Variants in BEND4 observed in about 807,000 individuals in gnomAD.
The protein encoded by BEND4 is BEN domain containing 4, also known as BEN domain-containing protein 4.
In BEND4, 27 loss-of-function variants were observed where a neutral mutation model predicts 54.7. That is an observed-to-expected ratio of 0.49 (90% CI 0.36 to 0.68). The LOEUF (loss-of-function observed/expected upper bound fraction) is 0.68. Among genes scored for constraint, BEND4 ranks in the 30% least tolerant of loss-of-function variants. The probability of loss-of-function intolerance (pLI) is 0.00; values close to 1 mark genes in which losing one functional copy is unlikely to be tolerated. For missense variants in BEND4, 702 were observed against 697.2 expected, an observed-to-expected ratio of 1.01 and a Z score of -0.08; for synonymous variants, 327 against 299.5, an observed-to-expected ratio of 1.09 and a Z score of -0.95.
intron 3 of BEND4, among the ~76,000 whole-genome samples, chr4:42,141,440 AG>A (rs1223768840): frequency 2.6e-5 from 4 of 152,224 alleles, no homozygotes; most frequent in Non-Finnish European, 1.5e-5. Flanking sequence ...CAAAGAATAT[AG>A]CTTATATTGG....
At chr4:42,129,202 GA>G (rs1259011933) in intron 3 of BEND4, among the ~76,000 whole-genome samples, 1 of 152,076 alleles carries the variant, frequency 6.6e-6, no homozygotes, top group South Asian at 2.1e-4. Flanking sequence ...AAATACCGAG[GA>G]AAACAACTAA....
At chr4:42,125,463 C>G (rs894263929) in intron 4 of BEND4, 120 bp downstream of exon 4, 8 of 723,944 alleles carry the variant, frequency 1.1e-5, no homozygotes, top group Non-Finnish European at 2.0e-5. Flanking sequence ...GGCAACAGAC[C>G]CATAAACCTC....
Position 42,117,457 on chromosome 4 carries a change from A to ATTC in BEND4, c.*60_*61insGAA. On this transcript the variant is annotated 3_prime_UTR_variant, in exon 6 of 6. Coordinates refer to ENST00000502486, the MANE Select transcript of BEND4 (RefSeq NM_207406.4). ...CTTTGGACTCTCAGGTGACAGGAACAGGACATTCACAATTGGAACTCTTGA... is the reference window on the plus strand; with the variant it reads ...CTTTGGACTCTCAGGTGACAGGAACATTCGGACATTCACAATTGGAACTCTTGA... 1 of 1,197,462 alleles carries ATTC rather than the reference A, an allele frequency of 8.4e-7. No homozygotes were observed. Among genetic ancestry groups the ATTC allele is most frequent in the Admixed American group, 2.0e-5 (1 of 48,956 alleles). 74.2% of individuals were successfully genotyped at this position (1,197,462 alleles called of 1,614,324 possible).
In BEND4 at chr4:42,124,552, G is replaced by T. The variant is rs563355420; in HGVS notation, c.1146+1031C>A. ...AGAGAGAGCACGGAGGAGGAGAGGTGAGGGCCTGGGGTGACCAGAGTGGAA... is the reference window on the plus strand; with the variant it reads ...AGAGAGAGCACGGAGGAGGAGAGGTTAGGGCCTGGGGTGACCAGAGTGGAA... On this transcript the variant is annotated intron_variant, in intron 4 of 5. Transcript: ENST00000502486. Among the ~76,000 whole-genome samples the T allele has an allele frequency of 2.3e-4, 35 of 152,232 alleles. No individual in the cohort carries two copies. In the South Asian group the frequency reaches 6.9e-3, roughly 30 times the overall value.
chr4:42,128,406 G>A (rs1342703655), intron 3 of BEND4, among the ~76,000 whole-genome samples: 6 of 152,078 alleles, frequency 3.9e-5, no homozygotes, highest in South Asian at 2.1e-4. Context: ...GGCCGATCAC[G>A]AGGTCAGGAG....
In BEND4 at chr4:42,143,600, AGTCCAGCCACCTAATGT is replaced by A. The variant is rs1468517100; in HGVS notation, c.865_881del (p.Thr289PhefsTer47). Reference sequence around the variant, plus strand: ...CATGGGATTCGGACGTTGCTGGGGAAGTCCAGCCACCTAATGTATGCACAGGAGAGGTTGACAGAGGA... The same window carrying A: ...CATGGGATTCGGACGTTGCTGGGGAAATGCACAGGAGAGGTTGACAGAGGA... On this transcript the variant is annotated frameshift_variant, in exon 3 of 6. Coordinates refer to ENST00000502486, the MANE Select transcript of BEND4 (RefSeq NM_207406.4). LOFTEE classifies it high-confidence loss of function. 6.3e-7 allele frequency: 1 copy of A among 1,599,380 alleles called. No homozygotes were observed. Among genetic ancestry groups the A allele is most frequent in the East Asian group, 2.2e-5 (1 of 44,516 alleles).
In BEND4 at chr4:42,113,803, A is replaced by T. The variant is rs965439517; in HGVS notation, c.*3715T>A. On this transcript the variant is annotated 3_prime_UTR_variant, in exon 6 of 6. Coordinates refer to ENST00000502486, the MANE Select transcript of BEND4 (RefSeq NM_207406.4). ...ATACCCGATCACCCACTAACTCTACAGCCGTGAAGTAGCTACAAATATGTC... is the reference window on the plus strand; with the variant it reads ...ATACCCGATCACCCACTAACTCTACTGCCGTGAAGTAGCTACAAATATGTC... 1 of 152,242 alleles carries T rather than the reference A, an allele frequency of 6.6e-6. No homozygotes were observed. The highest frequency in any genetic ancestry group is 2.4e-5 in the African/African-American group (1 of 41,460). The allele number at this position is 152,242 out of a possible 1,614,324, so 9.4% of individuals were successfully genotyped here. A position where few individuals can be genotyped will look rare whatever the true frequency, so the allele number is the denominator to read the frequency against.
intron 3 of BEND4, among the ~76,000 whole-genome samples, chr4:42,126,150 A>C (rs1310036355): frequency 2.0e-5 from 3 of 152,244 alleles, no homozygotes; most frequent in Non-Finnish European, 4.4e-5. Context: ...AATACAGAAC[A>C]GATGCTATAG....
At chr4:42,117,813 G>C in intron 5 of BEND4, 78 bp from the exon 6 acceptor site, 2 of 948,012 alleles carry the variant, frequency 2.1e-6, no homozygotes, top group Non-Finnish European at 3.2e-6. Flanking sequence ...AGGGCAGGCT[G>C]CTTAAACTTT....
intron 3 of BEND4, among the ~76,000 whole-genome samples, chr4:42,133,690 C>T (rs536561107): frequency 6.6e-6 from 1 of 152,082 alleles, no homozygotes; most frequent in Non-Finnish European, 1.5e-5. Flanking sequence ...CCCGTCTCTA[C>T]TAAAAATACA....
intron 4 of BEND4, among the ~76,000 whole-genome samples, chr4:42,121,098 T>C (rs1720041958): frequency 6.6e-6 from 1 of 152,198 alleles, no homozygotes; most frequent in Admixed American, 6.5e-5. Flanking sequence ...ACAAATTAAT[T>C]AACCCATGAT....
In BEND4 at chr4:42,143,861, A is replaced by C; in HGVS notation, c.621T>G (p.Ser207Arg). 6.4e-7 allele frequency: 1 copy of C among 1,553,974 alleles called. No individual in the cohort carries two copies. The highest frequency in any genetic ancestry group is 1.3e-5 in the South Asian group (1 of 78,782). Residue 207 changes from serine to arginine, a missense_variant, in exon 3 of 6, where the codon AGT becomes AGG. Transcript: ENST00000502486. ...GACAGTGCTCCTGTCTTTCGTTGTA[A>C]CTTGAGCCTTCCTGCTTTACGCAAG... The part of the protein sequence containing the change: ...MISCVKQEGS[S>R]YNERQEHCHI...
intron 3 of BEND4, among the ~76,000 whole-genome samples, chr4:42,140,524 C>CA (rs1026802787): frequency 6.6e-6 from 1 of 152,172 alleles, no homozygotes; most frequent in African/African-American, 2.4e-5. Context: ...CAACCAGTGT[C>CA]AATTCAATGT....
Position 42,117,534 on chromosome 4 carries a change from T to C in BEND4, c.1589A>G (p.Asp530Gly). ...QDEVFNKSSQ[D>G]GSGD ...TTCTGTCCACTAATCCCCAGATCCA[T>C]CCTGGGAACTTTTATTGAAGACTTC... is the stretch of plus-strand genomic sequence containing the variant. The change falls in exon 6 of 6, where the codon GAT becomes GGT. Residue 530 changes from aspartate (D) to glycine (G), a missense_variant. Transcript: ENST00000502486. 1 of 1,610,392 alleles carries C rather than the reference T, an allele frequency of 6.2e-7. No individual in the cohort carries two copies. Among genetic ancestry groups the C allele is most frequent in the Non-Finnish European group, 8.5e-7 (1 of 1,177,954 alleles).
chr4:42,112,230 T>C lies in BEND4; in HGVS notation c.*5288A>G, dbSNP rs1365735508. 1 of 152,168 alleles carries C rather than the reference T, an allele frequency of 6.6e-6. No homozygotes were observed. The highest frequency in any genetic ancestry group is 1.5e-5 in the Non-Finnish European group (1 of 68,034). The allele number at this position is 152,168 out of a possible 1,614,324, so 9.4% of individuals were successfully genotyped here. The stretch of plus-strand genomic sequence containing the variant: ...CTGAGTACCCTGGGCAGTTTCCTTA[T>C]CAATACAATGGGGATAAGAACAGTA... On this transcript the variant is annotated 3_prime_UTR_variant, in exon 6 of 6. Transcript: ENST00000502486.
intron 3 of BEND4, among the ~76,000 whole-genome samples, chr4:42,138,040 T>G (rs1288972581): frequency 1.3e-5 from 2 of 152,156 alleles, no homozygotes; most frequent in Non-Finnish European, 2.9e-5. Context: ...TATTGGAATT[T>G]TCCTAGAAAA....
At chr4:42,143,266 T>C (rs1446619898) in intron 3 of BEND4, among the ~76,000 whole-genome samples, 162 bp downstream of exon 3, 1 of 152,212 alleles carries the variant, frequency 6.6e-6, no homozygotes, top group Non-Finnish European at 1.5e-5. Flanking sequence ...CTCTTGAGCA[T>C]GTCTGTTTTT....
chr4:42,118,627 T>C (rs562254941), intron 5 of BEND4, among the ~76,000 whole-genome samples: 7 of 152,320 alleles, frequency 4.6e-5, no homozygotes, highest in South Asian at 4.1e-4. Flanking sequence ...TGACTTGCTA[T>C]AGAAATGTAA....
At chr4:42,141,348 A>G (rs554087450) in intron 3 of BEND4, among the ~76,000 whole-genome samples, 1 of 152,334 alleles carries the variant, frequency 6.6e-6, no homozygotes, top group East Asian at 1.9e-4. Context: ...GTCTACTAAT[A>G]AACAAGTGGG....
Sources: gnomAD v4.1 joint callset for allele counts (sites outside exome capture counted in the v4.1 genomes callset) on GRCh38, gnomAD v4.1.1 for gene constraint, MANE v1.5 for transcripts, NCBI Gene and HGNC (gene_info 2026-07-23, HGNC 2026-07-21) for gene names.